The following CSTPP1 variants were observed in gnomAD, a reference collection of about 807,000 sequenced individuals.
CSTPP1 encodes centriolar satellite-associated tubulin polyglutamylase complex regulator 1, also known as UPF0705 protein C11orf49.
the CSTPP1 span, chr11:47,108,918 G>C: frequency 6.6e-6 from 1 of 152,034 alleles, no homozygotes; most frequent in Non-Finnish European, 1.5e-5. Context: ...TGTTGGTCAG[G>C]CTTGTCTTGA....
chr11:47,094,061 G>A, the CSTPP1 span, among the ~76,000 whole-genome samples: 11 of 152,026 alleles, frequency 7.2e-5, no homozygotes, highest in Admixed American at 1.3e-4. Context: ...AGGTCCAGCC[G>A]GTGGAAGTTA....
the CSTPP1 span, among the ~76,000 whole-genome samples, chr11:47,069,039 T>C: frequency 6.6e-6 from 1 of 152,232 alleles, no homozygotes; most frequent in African/African-American, 2.4e-5. Context: ...TAAAATTTAC[T>C]GTGTAACATA....
chr11:46,964,361 C>A, the CSTPP1 span, among the ~76,000 whole-genome samples: 1 of 151,748 alleles, frequency 6.6e-6, no homozygotes, highest in South Asian at 2.1e-4. Context: ...TTTCGGCTCA[C>A]TGGAAGCTCC....
the CSTPP1 span, among the ~76,000 whole-genome samples, chr11:47,038,688 C>T: frequency 3.2e-5 from 4 of 124,278 alleles, 1 homozygote; most frequent in Admixed American, 8.4e-5. Context: ...GGCTGACCCC[C>T]CCACCTCCCT....
the CSTPP1 span, among the ~76,000 whole-genome samples, chr11:47,009,886 T>C: frequency 2.7e-4 from 41 of 152,310 alleles, 2 homozygotes; most frequent in East Asian, 5.8e-3. Context: ...AACTCATTGT[T>C]TGGTCTTCTT....
the CSTPP1 span, among the ~76,000 whole-genome samples, chr11:47,109,746 C>A: frequency 6.6e-6 from 1 of 152,242 alleles, no homozygotes; most frequent in Admixed American, 6.5e-5. Flanking sequence ...TGTCCCCACC[C>A]TCCCCCATGG....
the CSTPP1 span, among the ~76,000 whole-genome samples, chr11:47,092,579 C>G: frequency 6.6e-6 from 1 of 152,176 alleles, no homozygotes. Flanking sequence ...ATCATGACAT[C>G]TTACCCCTCA....
chr11:47,077,562 A>G, the CSTPP1 span, among the ~76,000 whole-genome samples: 2 of 152,194 alleles, frequency 1.3e-5, no homozygotes, highest in African/African-American at 4.8e-5. Context: ...AGCCTTTCTC[A>G]TGAAACTACT....
chr11:47,122,276 G>A, the CSTPP1 span, among the ~76,000 whole-genome samples: 2 of 150,920 alleles, frequency 1.3e-5, no homozygotes, highest in Admixed American at 1.3e-4. Flanking sequence ...GAGGACCAAG[G>A]GGCATTATAA....
At chr11:47,046,972 CTCA>C in the CSTPP1 span, among the ~76,000 whole-genome samples, 2 of 151,238 alleles carry the variant, frequency 1.3e-5, no homozygotes, top group Non-Finnish European at 2.9e-5. Context: ...TCAATCTCAG[CTCA>C]CTACAACCTC....
chr11:47,083,700 C>T, the CSTPP1 span, among the ~76,000 whole-genome samples: 32 of 152,226 alleles, frequency 2.1e-4, no homozygotes, highest in East Asian at 1.5e-3. Flanking sequence ...CTAATGATGT[C>T]GAACATCTTT....
chr11:47,014,414 A>C, the CSTPP1 span, among the ~76,000 whole-genome samples: 2 of 151,804 alleles, frequency 1.3e-5, no homozygotes, highest in South Asian at 2.1e-4. Flanking sequence ...GGAAAGAAAG[A>C]AAGCCTGGCG....
the CSTPP1 span, among the ~76,000 whole-genome samples, chr11:47,088,697 C>T: frequency 2.6e-4 from 39 of 152,116 alleles, no homozygotes; most frequent in Non-Finnish European, 4.7e-4. Flanking sequence ...CACGCATGCA[C>T]CACAACACTG....
At chr11:47,085,959 G>C in the CSTPP1 span, among the ~76,000 whole-genome samples, 1 of 151,556 alleles carries the variant, frequency 6.6e-6, no homozygotes, top group Admixed American at 6.6e-5. Flanking sequence ...TGCATGGGGA[G>C]GGGGAATTAG....
the CSTPP1 span, among the ~76,000 whole-genome samples, chr11:47,163,472 A>C: frequency 3.9e-5 from 6 of 152,146 alleles, no homozygotes; most frequent in Non-Finnish European, 7.4e-5. Flanking sequence ...TTCCCAGACC[A>C]GTGGTCTGTA....
At chr11:47,067,929 C>T in the CSTPP1 span, among the ~76,000 whole-genome samples, 1 of 151,996 alleles carries the variant, frequency 6.6e-6, no homozygotes, top group Non-Finnish European at 1.5e-5. Flanking sequence ...TGTGACCCTG[C>T]GTTATCAAAT....
chr11:47,123,859 G>T, the CSTPP1 span, among the ~76,000 whole-genome samples: 1 of 152,030 alleles, frequency 6.6e-6, no homozygotes, highest in Non-Finnish European at 1.5e-5. Context: ...AAATTAGCCA[G>T]TGTGGTGGCT....
At chr11:46,955,571 G>C in the CSTPP1 span, among the ~76,000 whole-genome samples, 2 of 151,590 alleles carry the variant, frequency 1.3e-5, no homozygotes, top group Non-Finnish European at 2.9e-5. Flanking sequence ...CACCGTGTTG[G>C]CCAGGATGGT....
At chr11:47,155,362 TC>T in the CSTPP1 span, 1 of 1,021,618 alleles carries the variant, frequency 9.8e-7, no homozygotes. Context: ...ACGTTTCTCT[TC>T]CCCACTTCCT....
Sources: allele counts gnomAD v4.1 joint callset (sites outside exome capture counted in the v4.1 genomes callset), GRCh38; gene constraint gnomAD v4.1.1; transcripts MANE v1.5; gene names NCBI Gene and HGNC (gene_info 2026-07-23, HGNC 2026-07-21).